Variants in PRKD1 observed in about 807,000 individuals in gnomAD.
The protein encoded by PRKD1 is protein kinase D1.
PRKD1 carries 63 observed loss-of-function variants against 95.9 expected under a neutral mutation model. The ratio of observed to expected loss-of-function variants is 0.66; its 90% CI spans 0.54 to 0.81. PRKD1 has a LOEUF of 0.81. Among genes scored for constraint, PRKD1 ranks in the 30% least tolerant of loss-of-function variants. The probability of loss-of-function intolerance (pLI) is 0.00; values close to 1 mark genes in which losing one functional copy is unlikely to be tolerated. For synonymous variants in PRKD1, 425 were observed against 423.1 expected (o/e 1.00, Z -0.05); for missense variants, 1,048 against 1,165.3 (o/e 0.90, Z 1.47).
chr14:29,789,858 G>C (rs889553778), intron 1 of PRKD1, among the ~76,000 whole-genome samples: 2 of 152,124 alleles, frequency 1.3e-5, no homozygotes, highest in African/African-American at 4.8e-5. Context: ...AGGTGAGGTG[G>C]ACCTGTCTTC....
chr14:29,666,296 C>G, intron 2 of PRKD1, 88 bp from the exon 3 acceptor site: 1 of 1,356,170 alleles, frequency 7.4e-7, no homozygotes, highest in East Asian at 2.5e-5. Context: ...TATGCCAGTA[C>G]GGATATAACT....
intron 10 of PRKD1, 53 bp from the exon 11 acceptor site, chr14:29,629,146 T>C (rs867697371): frequency 6.0e-5 from 87 of 1,441,456 alleles, no homozygotes; most frequent in Middle Eastern, 3.5e-4. Flanking sequence ...AGAGATGTAA[T>C]AGCAAAACAA....
At chr14:29,907,576 A>G (rs576698408) in intron 1 of PRKD1, among the ~76,000 whole-genome samples, 1 of 152,338 alleles carries the variant, frequency 6.6e-6, no homozygotes, top group South Asian at 2.1e-4. Flanking sequence ...TTACTGAATA[A>G]AGATAATCCT....
At chr14:29,678,042 T>C (rs1409596440) in intron 2 of PRKD1, among the ~76,000 whole-genome samples, 1 of 152,376 alleles carries the variant, frequency 6.6e-6, no homozygotes, top group East Asian at 1.9e-4. Context: ...AAACTCATGA[T>C]AGATTATAAA....
At chr14:29,776,373 T>C (rs921133674) in intron 1 of PRKD1, among the ~76,000 whole-genome samples, 10 of 151,938 alleles carry the variant, frequency 6.6e-5, no homozygotes, top group Admixed American at 6.6e-4. Flanking sequence ...TTCGAACCCA[T>C]CACAAAGAAG....
chr14:29,895,454 C>T lies in PRKD1; in HGVS notation c.264+31795G>A, dbSNP rs186333879. Among the ~76,000 whole-genome samples, 284 of 152,300 alleles carry T rather than the reference C, an allele frequency of 1.9e-3. 1 individual carries two copies. Among genetic ancestry groups the T allele is most frequent in the Middle Eastern group, 6.8e-3 (2 of 294 alleles). ...TATAAGAAGCCCCTAGCCGCCCTCC[C>T]TGTTCCCACTCTCACCGCCACTCTA... On this transcript the variant is annotated intron_variant, in intron 1 of 17. Coordinates refer to ENST00000331968, the MANE Select transcript of PRKD1 (RefSeq NM_002742.3).
At chr14:29,713,181 A>C (rs931694182) in intron 2 of PRKD1, among the ~76,000 whole-genome samples, 2 of 152,162 alleles carry the variant, frequency 1.3e-5, no homozygotes, top group Admixed American at 6.6e-5. Context: ...ATTTTTCATC[A>C]CTGCATAGGA....
At chr14:29,849,151 TC>T (rs1348600293) in intron 1 of PRKD1, among the ~76,000 whole-genome samples, 1 of 152,176 alleles carries the variant, frequency 6.6e-6, no homozygotes, top group Non-Finnish European at 1.5e-5. Flanking sequence ...GGGCAGACTT[TC>T]CCCTTTGGTG....
At chr14:29,886,640 C>G (rs1344474821) in intron 1 of PRKD1, among the ~76,000 whole-genome samples, 1 of 152,202 alleles carries the variant, frequency 6.6e-6, no homozygotes, top group African/African-American at 2.4e-5. Context: ...CTTATTCTAT[C>G]ACCATCTGCT....
rs141798722 is a variant in PRKD1 at position 29,752,577 on chromosome 14, T to TTA, written c.265-26905_265-26904dup. Among the ~76,000 whole-genome samples, 1,271 of 150,310 alleles carry TTA rather than the reference T, an allele frequency of 8.5e-3. 18 individuals carry two copies. Among genetic ancestry groups the TTA allele is most frequent in the African/African-American group, 0.027 (1,098 of 41,122 alleles). ...TTTATTATTATATCCATATATCTTA[T>TTA]TATATATATATATAATTTCTGAAAT... On this transcript the variant is annotated intron_variant, in intron 1 of 17. Transcript: ENST00000331968.
intron 1 of PRKD1, among the ~76,000 whole-genome samples, chr14:29,808,920 A>T (rs1466694081): frequency 6.6e-6 from 1 of 152,236 alleles, no homozygotes; most frequent in Admixed American, 6.5e-5. Flanking sequence ...CTTTGCCCAG[A>T]TCTATCAGAG....
intron 2 of PRKD1, among the ~76,000 whole-genome samples, chr14:29,690,053 A>C (rs1296503870): frequency 2.0e-5 from 3 of 152,186 alleles, no homozygotes; most frequent in African/African-American, 7.2e-5. Flanking sequence ...CTATACAGCA[A>C]ATCACCATGG....
chr14:29,578,484 C>CAA, intron 16 of PRKD1, 124 bp from the exon 17 acceptor site: 2 of 264,978 alleles, frequency 7.5e-6, no homozygotes, highest in South Asian at 1.5e-4. Context: ...GCACTAGAAC[C>CAA]AAAAAAAAAA....
At chr14:29,756,536 G>A (rs552042988) in intron 1 of PRKD1, among the ~76,000 whole-genome samples, 1 of 152,262 alleles carries the variant, frequency 6.6e-6, no homozygotes, top group East Asian at 1.9e-4. Flanking sequence ...CTAGCTCTTT[G>A]GAACGTTAAA....
chr14:29,750,340 A>T (rs1044359986), intron 1 of PRKD1, among the ~76,000 whole-genome samples: 15 of 152,218 alleles, frequency 9.9e-5, no homozygotes, highest in African/African-American at 3.6e-4. Context: ...GCTAGTTGAT[A>T]TAAACAAAAC....
chr14:29,747,831 T>A (rs914197205), intron 1 of PRKD1, among the ~76,000 whole-genome samples: 2 of 152,078 alleles, frequency 1.3e-5, no homozygotes, highest in African/African-American at 4.8e-5. Flanking sequence ...GCAACCTCTG[T>A]CTCCTGAACT....
chr14:29,828,274 G>A (rs1173585814), intron 1 of PRKD1, among the ~76,000 whole-genome samples: 1 of 152,088 alleles, frequency 6.6e-6, no homozygotes, highest in East Asian at 1.9e-4. Context: ...TACAATCATG[G>A]CAGAAGGCAA....
rs1447717772 is a variant in PRKD1 at position 29,620,543 on chromosome 14, G to A, written c.1905+3609C>T. ...CATGAACAGACACTTCTCAAAAGAA[G>A]ACATTTATGCAGCCAAAAAACACAT... On this transcript the variant is annotated intron_variant, in intron 13 of 17. Transcript: ENST00000331968. 6.1e-3 allele frequency among the ~76,000 whole-genome samples: 888 copies of A among 146,066 alleles called. 9 individuals carry two copies. The highest frequency in any genetic ancestry group is 0.021 in the African/African-American group (842 of 40,116).
rs186433539 is a variant in PRKD1 at position 29,638,479 on chromosome 14, T to C, written c.985+10A>G. The C allele has an allele frequency of 1.2e-6, 2 of 1,613,462 alleles. No homozygotes were observed. The highest frequency in any genetic ancestry group is 3.3e-5 in the Admixed American group (2 of 60,014). ...AGAAGCACAGACATGACAGCTGATC[T>C]TTTACCTACCTCCATTAATGGTCAC... On this transcript the variant is annotated intron_variant, in intron 6 of 17. Transcript: ENST00000331968.
Sources: allele counts gnomAD v4.1 joint callset (sites outside exome capture counted in the v4.1 genomes callset), GRCh38; gene constraint gnomAD v4.1.1; transcripts MANE v1.5; gene names NCBI Gene and HGNC (gene_info 2026-07-23, HGNC 2026-07-21).